ACADS: variants seen among roughly 807,000 people sequenced by gnomAD.
ACADS encodes acyl-CoA dehydrogenase short chain, also known as short-chain specific acyl-CoA dehydrogenase, mitochondrial.
In ACADS, 28 loss-of-function variants were observed where a neutral mutation model predicts 46.8. The ratio of observed to expected loss-of-function variants is 0.60; its 90% CI spans 0.44 to 0.82. The LOEUF is 0.82. Among genes scored for constraint, ACADS ranks in the 40% least tolerant of loss-of-function variants. The pLI, the probability that ACADS is intolerant of heterozygous loss-of-function variation, is 0.00. For missense variants in ACADS, 528 were observed against 578.0 expected (o/e 0.91, Z 0.89); for synonymous variants, 236 against 237.7 (o/e 0.99, Z 0.07).
At position 120,738,897 on chromosome 12, in the gene ACADS, C is replaced by G. The variant is rs200346345; in HGVS notation, c.1011C>G (p.Asn337Lys). ...GGCGCGCTGCCATGCTGAAGGATAA[C>G]AAGAAGCCTTTCATCAAGGTGCCCA... is the stretch of plus-strand genomic sequence containing the variant. Reference protein sequence around the residue: ...LTWRAAMLKDNKKPFIKEAAM... With the variant: ...LTWRAAMLKDKKKPFIKEAAM... The change falls in exon 8 of 10, where the codon AAC (asparagine) becomes AAG (lysine). Residue 337 changes from asparagine to lysine, a missense_variant. Asn to Lys is a moderately conservative substitution (Grantham distance 94). Transcript: ENST00000242592. 6 of 1,613,604 alleles carry G rather than the reference C, an allele frequency of 3.7e-6. No individual in the cohort carries two copies. The highest frequency in any genetic ancestry group is 1.3e-5 in the African/African-American group (1 of 74,926).
intron 2 of ACADS, among the ~76,000 whole-genome samples, chr12:120,732,531 C>T (rs2031072909): frequency 1.3e-5 from 2 of 150,800 alleles, no homozygotes; most frequent in Non-Finnish European, 3.0e-5. Context: ...AGACACTCCT[C>T]ACCTCCCAGA....
chr12:120,726,993 C>T (rs756105304), intron 1 of ACADS, 33 bp from the exon 2 acceptor site: 24 of 1,613,540 alleles, frequency 1.5e-5, no homozygotes, highest in East Asian at 8.9e-5. Context: ...CCTCCTGCCT[C>T]CTCCTTCCAC....
chr12:120,732,883 G>C (rs1373852609), intron 2 of ACADS, among the ~76,000 whole-genome samples: 1 of 152,296 alleles, frequency 6.6e-6, no homozygotes, highest in Non-Finnish European at 1.5e-5. Flanking sequence ...CTGGGAGGTG[G>C]AGGTTGTAGC....
rs1312261805 is a variant in ACADS at position 120,725,857 on chromosome 12, C to T, written c.-29C>T. ...GAACAGCGCGCTCGCAGCGGGAGGT[C>T]GCGAAGCCTGGGACTGTGTCTGTCG... On this transcript the variant is annotated 5_prime_UTR_variant, in exon 1 of 10. Transcript: ENST00000242592. 1.3e-6 allele frequency: 2 copies of T among 1,535,728 alleles called. No homozygotes were observed. Among genetic ancestry groups the T allele is most frequent in the Non-Finnish European group, 8.7e-7 (1 of 1,148,752 alleles).
In ACADS at chr12:120,738,616, C is replaced by T. The variant is rs748787327; in HGVS notation, c.879C>T (p.Tyr293=). ...CCGCCCTCGATTGTGCTGTGAACTA[C>T]GCTGAGAATCGCATGGCCTTCGGGG... is the stretch of plus-strand genomic sequence containing the variant. ...AQTALDCAVN[Y]AENRMAFGAP... Residue 293 remains tyrosine, a synonymous_variant, in exon 7 of 10, where the codon TAC becomes TAT. Transcript: ENST00000242592. The T allele has an allele frequency of 2.1e-5, 34 of 1,613,220 alleles. No individual in the cohort carries two copies. Among genetic ancestry groups the T allele is most frequent in the Middle Eastern group, 1.6e-4 (1 of 6,084 alleles).
rs997400757 is a variant in ACADS at position 120,728,327 on chromosome 12, C to T, written c.210+1138C>T. ...CTGTGTTCTTCCATTTGCATTCAGTCTGTCTGCAGCTACGCGTTGAAGATG... is the reference window on the plus strand; with the variant it reads ...CTGTGTTCTTCCATTTGCATTCAGTTTGTCTGCAGCTACGCGTTGAAGATG... On this transcript the variant is annotated intron_variant, in intron 2 of 9. Transcript: ENST00000242592. This position sits in a 1 kb window ranked among gnomAD's most constrained non-coding sequence, Gnocchi z 4.0. Among the ~76,000 whole-genome samples the T allele has an allele frequency of 6.6e-6, 1 of 152,134 alleles. No individual in the cohort carries two copies. The highest frequency in any genetic ancestry group is 1.9e-4 in the East Asian group (1 of 5,180).
In ACADS at chr12:120,727,142, C is replaced by A; in HGVS notation, c.163C>A (p.Pro55Thr). ...CRDFAEKELF[P>T]IAAQVDKEHL... ...GGACTTTGCCGAGAAGGAGTTGTTT[C>A]CCATTGCAGCCCAGGTGGATAAGGA... is the stretch of plus-strand genomic sequence containing the variant. Residue 55 changes from proline to threonine, a missense_variant, in exon 2 of 10, where the codon CCC becomes ACC. Coordinates refer to ENST00000242592, the MANE Select transcript of ACADS (RefSeq NM_000017.4). 2 of 1,614,134 alleles carry A rather than the reference C, an allele frequency of 1.2e-6. No homozygotes were observed. The highest frequency in any genetic ancestry group is 1.7e-6 in the Non-Finnish European group (2 of 1,179,998).
At chr12:120,727,271 C>T (rs755397682) in intron 2 of ACADS, 82 bp downstream of exon 2, 26 of 1,579,200 alleles carry the variant, frequency 1.6e-5, no homozygotes, top group Non-Finnish European at 2.2e-5. Flanking sequence ...GTCAGCGGCA[C>T]TCGGACTCTG....
At position 120,728,020 on chromosome 12, in the gene ACADS, G is replaced by A. The variant is rs1883140263; in HGVS notation, c.210+831G>A. On this transcript the variant is annotated intron_variant, in intron 2 of 9. Coordinates refer to ENST00000242592, the MANE Select transcript of ACADS (RefSeq NM_000017.4). This position sits in a 1 kb window ranked among gnomAD's most constrained non-coding sequence, Gnocchi z 4.0. The stretch of plus-strand genomic sequence containing the variant: ...TGGAGGGCAGTGGCGCAATCTCAAC[G>A]CACTGCACCCCTCTGCCTCCTGGGT... Among the ~76,000 whole-genome samples the A allele has an allele frequency of 6.6e-6, 1 of 151,556 alleles. No homozygotes were observed. Among genetic ancestry groups the A allele is most frequent in the South Asian group, 2.1e-4 (1 of 4,792 alleles).
intron 4 of ACADS, 74 bp downstream of exon 4, chr12:120,737,541 C>T: frequency 2.2e-6 from 3 of 1,373,122 alleles, no homozygotes; most frequent in Non-Finnish European, 3.1e-6. Flanking sequence ...GCTAGGCCAA[C>T]TGCCCACTGC....
Position 120,739,193 on chromosome 12 carries a change from C to T in ACADS, c.1083C>T (p.His361=). The T allele has an allele frequency of 6.2e-7, 1 of 1,613,080 alleles. No homozygotes were observed. Among genetic ancestry groups the T allele is most frequent in the Non-Finnish European group, 8.5e-7 (1 of 1,180,010 alleles). ...AASEAATAIS[H]QAIQILGGMG... is the part of the protein sequence containing the mutation. ...CGGAGGCCGCGACCGCCATCAGCCACCAGGTGAGTGTCCACAGTGAGCTCT... is the reference window on the plus strand; with the variant it reads ...CGGAGGCCGCGACCGCCATCAGCCATCAGGTGAGTGTCCACAGTGAGCTCT... The change falls in exon 9 of 10, where the codon CAC becomes CAT. Residue 361 remains histidine (H), a synonymous_variant. Transcript: ENST00000242592.
intron 2 of ACADS, among the ~76,000 whole-genome samples, chr12:120,729,416 C>T (rs1379710821): frequency 6.6e-6 from 1 of 151,894 alleles, no homozygotes; most frequent in African/African-American, 2.4e-5. Context: ...CGCCACCATG[C>T]CTGGCTAATT....
intron 2 of ACADS, among the ~76,000 whole-genome samples, chr12:120,732,419 A>G (rs1369021928): frequency 6.8e-6 from 1 of 147,182 alleles, no homozygotes; most frequent in Non-Finnish European, 1.5e-5. Flanking sequence ...GGGGCTCCTC[A>G]CTTCTCAGAC....
chr12:120,737,287 G>A (rs1406931353), intron 3 of ACADS, 69 bp from the exon 4 acceptor site: 4 of 1,549,690 alleles, frequency 2.6e-6, no homozygotes, highest in African/African-American at 1.4e-5. Flanking sequence ...AGGCCCTGAG[G>A]TGCAGCCCGC....
At chr12:120,734,835 TCTTC>T (rs1566026061) in intron 2 of ACADS, among the ~76,000 whole-genome samples, 1 of 148,210 alleles carries the variant, frequency 6.7e-6, no homozygotes, top group Non-Finnish European at 1.5e-5. Flanking sequence ...CACTGCAACC[TCTTC>T]CTTCCAGGTT....
chr12:120,735,453 G>T (rs745429354), intron 2 of ACADS, among the ~76,000 whole-genome samples: 3 of 149,974 alleles, frequency 2.0e-5, no homozygotes, highest in African/African-American at 7.4e-5. Flanking sequence ...TGCCTTTCAT[G>T]TGTATTATCT....
chr12:120,732,784 G>A (rs1883300148), intron 2 of ACADS, among the ~76,000 whole-genome samples: 1 of 152,222 alleles, frequency 6.6e-6, no homozygotes, highest in Non-Finnish European at 1.5e-5. Flanking sequence ...ACGATGGGCG[G>A]CCAGGCAGAG....
intron 8 of ACADS, 90 bp downstream of exon 8, chr12:120,739,005 G>A (rs534848765): frequency 3.0e-5 from 48 of 1,582,558 alleles, no homozygotes; most frequent in Non-Finnish European, 3.7e-5. Context: ...CCTTGGCCCC[G>A]TGGGTCAGAG....
chr12:120,737,973 A>G lies in ACADS; in HGVS notation c.609A>G (p.Arg203=). ...SAAVVFASTD[R]ALQNKGISAF... The stretch of plus-strand genomic sequence containing the variant: ...CCGTGGTCTTTGCCAGCACGGACAG[A>G]GCCCTGCAAAACAAGGTGGGCCCAC... The change falls in exon 5 of 10, where the codon AGA becomes AGG. Residue 203 remains arginine (R), a synonymous_variant. Coordinates refer to ENST00000242592, the MANE Select transcript of ACADS (RefSeq NM_000017.4). 6.2e-7 allele frequency: 1 copy of G among 1,613,982 alleles called. No individual in the cohort carries two copies. The highest frequency in any genetic ancestry group is 8.5e-7 in the Non-Finnish European group (1 of 1,180,014).
Sources: allele counts gnomAD v4.1 joint callset (sites outside exome capture counted in the v4.1 genomes callset), GRCh38; gene constraint gnomAD v4.1.1; non-coding constraint Gnocchi (gnomAD v3.1); transcripts MANE v1.5; gene names NCBI Gene and HGNC (gene_info 2026-07-23, HGNC 2026-07-21).